DPYD: variants seen among roughly 807,000 people sequenced by gnomAD.
DPYD encodes the protein dihydropyrimidine dehydrogenase [NADP(+)].
Under a neutral mutation model 116.2 loss-of-function variants are expected in DPYD, and 109 were observed. The observed-to-expected ratio is 0.94, with a 90% CI of 0.80 to 1.10. The LOEUF is 1.10. Ranked by LOEUF, DPYD falls within the 50% of genes least tolerant of loss-of-function variation. The pLI is 0.00. For synonymous variants in DPYD, 440 were observed against 432.0 expected, an observed-to-expected ratio of 1.02 and a Z score of -0.23; for missense variants, 1,302 against 1,254.5, an observed-to-expected ratio of 1.04 and a Z score of -0.57.
At chr1:97,629,603 T>C (rs1251966579) in intron 8 of DPYD, among the ~76,000 whole-genome samples, 7 of 152,024 alleles carry the variant, frequency 4.6e-5, no homozygotes, top group Admixed American at 3.9e-4. Context: ...ACACTCTCAC[T>C]TCTTGCAGTT....
At chr1:97,198,616 C>A (rs1191466081) in intron 19 of DPYD, among the ~76,000 whole-genome samples, 1 of 152,124 alleles carries the variant, frequency 6.6e-6, no homozygotes, top group Non-Finnish European at 1.5e-5. Flanking sequence ...AAACATGTAG[C>A]TGCTATGCCT....
chr1:97,234,142 T>C (rs1661754844), intron 19 of DPYD, among the ~76,000 whole-genome samples: 1 of 152,168 alleles, frequency 6.6e-6, no homozygotes, highest in South Asian at 2.1e-4. Flanking sequence ...TATAAAAAGC[T>C]TGGTCCCTAG....
chr1:97,664,731 G>A (rs1178884010), intron 8 of DPYD, among the ~76,000 whole-genome samples: 1 of 151,968 alleles, frequency 6.6e-6, no homozygotes, highest in Non-Finnish European at 1.5e-5. Context: ...AGAAACAAGG[G>A]TCTTCGAGTG....
rs544072046 is a variant in DPYD, at chr1:97,210,468, C to A, written c.2443-17220G>T. Among the ~76,000 whole-genome samples the A allele has an allele frequency of 2.0e-5, 3 of 152,216 alleles. No individual in the cohort carries two copies. In the East Asian group the frequency reaches 5.8e-4, roughly 29 times the overall value. ...TGCTTATTGTCCATTTTTAAACATT[C>A]ATTGGTCGAGACTTACAGTAAGGCA... On this transcript the variant is annotated intron_variant, in intron 19 of 22. Transcript: ENST00000370192.
chr1:97,448,150 G>A (rs1389460050), intron 14 of DPYD, among the ~76,000 whole-genome samples: 1 of 152,104 alleles, frequency 6.6e-6, no homozygotes, highest in Non-Finnish European at 1.5e-5. Context: ...CTAGAAGCTG[G>A]AGGCTGCAGC....
chr1:97,084,043 C>T (rs890956028), intron 21 of DPYD, among the ~76,000 whole-genome samples: 1 of 151,900 alleles, frequency 6.6e-6, no homozygotes, highest in African/African-American at 2.4e-5. Flanking sequence ...TCTTCCTTTC[C>T]CACTCTACCC....
At chr1:97,737,041 A>C (rs1663995876) in intron 4 of DPYD, among the ~76,000 whole-genome samples, 1 of 152,140 alleles carries the variant, frequency 6.6e-6, no homozygotes, top group Non-Finnish European at 1.5e-5. Context: ...CCAACTCTCC[A>C]AACCGAGTCC....
chr1:97,766,606 C>T (rs941233315), intron 3 of DPYD, among the ~76,000 whole-genome samples: 41 of 152,222 alleles, frequency 2.7e-4, no homozygotes, highest in Middle Eastern at 3.4e-3. Flanking sequence ...TTAAGTGGTG[C>T]CCAACAGGGG....
chr1:97,477,081 C>A (rs892111568), intron 13 of DPYD, among the ~76,000 whole-genome samples: 5 of 152,172 alleles, frequency 3.3e-5, no homozygotes, highest in African/African-American at 9.7e-5. Flanking sequence ...GGGTGCCTGG[C>A]AATTTCTGTA....
At chr1:97,421,968 G>C (rs968009131) in intron 14 of DPYD, among the ~76,000 whole-genome samples, 66 of 152,228 alleles carry the variant, frequency 4.3e-4, no homozygotes, top group African/African-American at 1.4e-3. Flanking sequence ...ATACAGAATA[G>C]GGGCAGTGGG....
Position 97,238,148 on chromosome 1 carries a change from C to T in DPYD, c.2300-3154G>A, listed in dbSNP as rs572163084. On this transcript the variant is annotated intron_variant, in intron 18 of 22. Transcript: ENST00000370192. ...AAGACATTTTCCAATTTATGCTTTTCTTCCTTTCTAACGCTTTTATAATGT... is the reference window on the plus strand; with the variant it reads ...AAGACATTTTCCAATTTATGCTTTTTTTCCTTTCTAACGCTTTTATAATGT... Among the ~76,000 whole-genome samples the T allele has an allele frequency of 2.6e-5, 4 of 152,242 alleles. No individual in the cohort carries two copies. In the East Asian group the frequency reaches 7.7e-4, roughly 29 times the overall value.
chr1:97,752,435 A>AT (rs913898957), intron 3 of DPYD, among the ~76,000 whole-genome samples: 2 of 151,966 alleles, frequency 1.3e-5, no homozygotes, highest in African/African-American at 4.8e-5. Context: ...TTCAGCACGA[A>AT]TTTTTTTCTA....
intron 20 of DPYD, among the ~76,000 whole-genome samples, chr1:97,124,807 G>GA (rs1652712101): frequency 6.6e-6 from 1 of 152,044 alleles, no homozygotes; most frequent in Non-Finnish European, 1.5e-5. Context: ...TGATTTTCTG[G>GA]ATTACCTTTG....
chr1:97,897,711 CCTAT>C (rs1461127098), intron 1 of DPYD, among the ~76,000 whole-genome samples: 4 of 151,824 alleles, frequency 2.6e-5, no homozygotes, highest in African/African-American at 2.4e-5. Flanking sequence ...ATTTGGGTCT[CCTAT>C]CTATTTTGCA....
chr1:97,750,019 T>C (rs1664785766), intron 3 of DPYD, among the ~76,000 whole-genome samples: 1 of 152,164 alleles, frequency 6.6e-6, no homozygotes, highest in Non-Finnish European at 1.5e-5. Context: ...CATATTCACA[T>C]GCTATGCAAA....
intron 20 of DPYD, among the ~76,000 whole-genome samples, chr1:97,190,320 G>A (rs1372037064): frequency 6.6e-6 from 1 of 152,062 alleles, no homozygotes; most frequent in African/African-American, 2.4e-5. Context: ...ATCTCTCACT[G>A]TTCTATTGCT....
chr1:97,695,670 G>GT (rs1661256779), intron 6 of DPYD, among the ~76,000 whole-genome samples: 1 of 151,812 alleles, frequency 6.6e-6, no homozygotes. Flanking sequence ...TCGTGGAAGG[G>GT]TTTTTATGCC....
chr1:97,743,844 G>A lies in DPYD; in HGVS notation c.234-3365C>T, dbSNP rs147061849. On this transcript the variant is annotated intron_variant, in intron 3 of 22. Coordinates refer to ENST00000370192, the MANE Select transcript of DPYD (RefSeq NM_000110.4). ...TTTAATTCCCCTTTTACCTTTCAAAGTTACTCTGTTATAGTGCAGTTTATT... is the reference window on the plus strand; with the variant it reads ...TTTAATTCCCCTTTTACCTTTCAAAATTACTCTGTTATAGTGCAGTTTATT... 7.6e-4 allele frequency among the ~76,000 whole-genome samples: 116 copies of A among 152,072 alleles called. 3 individuals carry two copies. The highest frequency in any genetic ancestry group is 6.8e-3 in the Admixed American group (104 of 15,238).
rs753256832 is a variant in DPYD at position 97,545,822 on chromosome 1, A to G, written c.1524+3738T>C. 6.3e-5 allele frequency: 81 copies of G among 1,293,504 alleles called. 2 individuals carry two copies. The Middle Eastern group carries it at 1.3e-3, about 20-fold the overall frequency. The allele number at this position is 1,293,504 out of a possible 1,614,324, so 80.1% of individuals were successfully genotyped here. A position where few individuals can be genotyped will look rare whatever the true frequency, so the allele number is the denominator to read the frequency against. Reference sequence around the variant, plus strand: ...GCCGTTCAGGGACTTCAGCAATTTAAGTCTCCCCTTCTGCAGCTCCCTTAC... The same window carrying G: ...GCCGTTCAGGGACTTCAGCAATTTAGGTCTCCCCTTCTGCAGCTCCCTTAC... On this transcript the variant is annotated intron_variant, in intron 12 of 22. Coordinates refer to ENST00000370192, the MANE Select transcript of DPYD (RefSeq NM_000110.4).
Sources: allele counts gnomAD v4.1 joint callset (sites outside exome capture counted in the v4.1 genomes callset), GRCh38; gene constraint gnomAD v4.1.1; transcripts MANE v1.5; gene names NCBI Gene and HGNC (gene_info 2026-07-23, HGNC 2026-07-21).